The following FOXP1 variants were observed in gnomAD, a reference collection of about 807,000 sequenced individuals.
The protein encoded by FOXP1 is forkhead box P1.
A neutral mutation model predicts 98.2 loss-of-function variants in FOXP1; 15 were observed. The observed-to-expected ratio is 0.15, with a 90% CI of 0.10 to 0.24. FOXP1 has a LOEUF of 0.24. Ranked by LOEUF, FOXP1 falls within the 10% of genes least tolerant of loss-of-function variation. The pLI, the probability that FOXP1 is intolerant of heterozygous loss-of-function variation, is 1.00. For synonymous variants in FOXP1, 371 were observed against 314.5 expected, an observed-to-expected ratio of 1.18 and a Z score of -1.90; for missense variants, 633 against 848.5, an observed-to-expected ratio of 0.75 and a Z score of 3.15.
chr3:71,033,965 G>A (rs1344533787), intron 11 of FOXP1, among the ~76,000 whole-genome samples: 1 of 152,166 alleles, frequency 6.6e-6, no homozygotes, highest in Non-Finnish European at 1.5e-5. Flanking sequence ...AGGTGATGCT[G>A]CCAAGAGTCT....
chr3:71,256,979 A>G lies in FOXP1; in HGVS notation c.-12+42841T>C, dbSNP rs181886270. The stretch of plus-strand genomic sequence containing the variant: ...TTCTGAGCTACCAGCTATTCATCCA[A>G]TATCTTCTTTTAAGGATTACCTTTA... On this transcript the variant is annotated intron_variant, in intron 5 of 20. Transcript: ENST00000649528. 9.2e-5 allele frequency among the ~76,000 whole-genome samples: 14 copies of G among 152,250 alleles called. No individual in the cohort carries two copies. The East Asian group carries it at 2.5e-3, about 27-fold the overall frequency.
intron 2 of FOXP1, among the ~76,000 whole-genome samples, chr3:71,538,514 AAAACAC>A (rs1217966220): frequency 1.3e-5 from 2 of 152,228 alleles, no homozygotes; most frequent in African/African-American, 4.8e-5. Context: ...TTGTGGCTGA[AAAACAC>A]TGCATTGCAA....
chr3:71,084,688 C>T (rs1282280340), intron 7 of FOXP1, among the ~76,000 whole-genome samples: 1 of 152,152 alleles, frequency 6.6e-6, no homozygotes, highest in Non-Finnish European at 1.5e-5. Flanking sequence ...GCATAGTTAA[C>T]ACTATTTTTC....
At chr3:71,492,242 A>G (rs1331388373) in intron 3 of FOXP1, among the ~76,000 whole-genome samples, 1 of 152,104 alleles carries the variant, frequency 6.6e-6, no homozygotes, top group African/African-American at 2.4e-5. Context: ...ACCTGAGGTC[A>G]GGAGTTTGAG....
chr3:71,214,021 G>A (rs2064716838), intron 5 of FOXP1, among the ~76,000 whole-genome samples: 1 of 152,186 alleles, frequency 6.6e-6, no homozygotes, highest in South Asian at 2.1e-4. Context: ...TGCAGATATT[G>A]TCCCTACAGT....
chr3:71,370,719 AC>A (rs2079237911), intron 3 of FOXP1, among the ~76,000 whole-genome samples: 1 of 151,596 alleles, frequency 6.6e-6, no homozygotes, highest in Non-Finnish European at 1.5e-5. Flanking sequence ...GGCTTCTCAA[AC>A]TTGCATGCTC....
intron 6 of FOXP1, among the ~76,000 whole-genome samples, chr3:71,135,799 C>T (rs376697108): frequency 6.6e-6 from 1 of 152,290 alleles, no homozygotes; most frequent in South Asian, 2.1e-4. Flanking sequence ...CAAGTCAAGT[C>T]AAAGCACCTT....
At chr3:70,985,392 T>G (rs2039562853) in intron 14 of FOXP1, among the ~76,000 whole-genome samples, 1 of 152,062 alleles carries the variant, frequency 6.6e-6, no homozygotes, top group Non-Finnish European at 1.5e-5. Flanking sequence ...CTTTTTTTTT[T>G]CTTTTTGGCA....
At chr3:71,078,304 A>G (rs2054038301) in intron 7 of FOXP1, among the ~76,000 whole-genome samples, 1 of 152,222 alleles carries the variant, frequency 6.6e-6, no homozygotes, top group Non-Finnish European at 1.5e-5. Flanking sequence ...GCATCCCTAT[A>G]TTGCCATGTT....
At chr3:70,962,973 A>C (rs181726301) in intron 20 of FOXP1, among the ~76,000 whole-genome samples, 153 of 152,372 alleles carry the variant, frequency 1.0e-3, no homozygotes, top group African/African-American at 3.7e-3. Flanking sequence ...AATTATCCTC[A>C]TTTGATCATT....
chr3:71,545,524 TACAC>T (rs1446070872), intron 2 of FOXP1, among the ~76,000 whole-genome samples: 3 of 152,318 alleles, frequency 2.0e-5, no homozygotes, highest in East Asian at 3.9e-4. Flanking sequence ...TTTTTAAAAA[TACAC>T]ATGCTGAAGG....
At chr3:71,134,550 G>A (rs766919984) in intron 6 of FOXP1, among the ~76,000 whole-genome samples, 14 of 152,140 alleles carry the variant, frequency 9.2e-5, no homozygotes, top group Non-Finnish European at 1.6e-4. Flanking sequence ...AACAGAAAAT[G>A]AAAATGAAAC....
chr3:71,263,218 T>C (rs1226144953), intron 5 of FOXP1, among the ~76,000 whole-genome samples: 3 of 152,070 alleles, frequency 2.0e-5, no homozygotes, highest in Non-Finnish European at 4.4e-5. Context: ...GACACAGCCA[T>C]GGACAGAATC....
chr3:71,327,670 A>C (rs1045616318), intron 4 of FOXP1, among the ~76,000 whole-genome samples: 3 of 152,016 alleles, frequency 2.0e-5, no homozygotes, highest in African/African-American at 7.2e-5. Flanking sequence ...TACAGGTGTG[A>C]GCCACTGTGC....
intron 1 of FOXP1, among the ~76,000 whole-genome samples, chr3:71,583,322 C>G (rs1396353790): frequency 6.6e-6 from 1 of 151,970 alleles, no homozygotes; most frequent in East Asian, 1.9e-4. Flanking sequence ...CGCGCCGGCC[C>G]GCAGCCCCCA....
Position 71,052,539 on chromosome 3 carries a change from CTT to C in FOXP1, c.506_507del (p.Lys169ArgfsTer125). ...LQQQHAGKQP[K>X]EQQQVATQQL... is the part of the protein sequence containing the mutation. ...AGTAAAATATGTATTGTCGGTACCT[CTT>C]TAGGCTGTTTTCCAGCATGTTGTTG... is the stretch of plus-strand genomic sequence containing the variant. On this transcript the variant is annotated frameshift_variant, in exon 9 of 21. Coordinates refer to ENST00000649528, the MANE Select transcript of FOXP1 (RefSeq NM_001349338.3). LOFTEE classifies it high-confidence loss of function. 2 of 1,232,876 alleles carry C rather than the reference CTT, an allele frequency of 1.6e-6. No individual in the cohort carries two copies. Among genetic ancestry groups the C allele is most frequent in the Non-Finnish European group, 2.4e-6 (2 of 831,432 alleles). 76.4% of individuals were successfully genotyped at this position (1,232,876 alleles called of 1,614,324 possible).
intron 18 of FOXP1, 142 bp from the exon 19 acceptor site, chr3:70,970,947 T>TC: frequency 1.4e-6 from 1 of 702,890 alleles, no homozygotes; most frequent in East Asian, 2.7e-5. Flanking sequence ...TCAGGCTTTC[T>TC]CCCCGTCACT....
intron 3 of FOXP1, among the ~76,000 whole-genome samples, chr3:71,377,398 T>C (rs537988575): frequency 1.3e-5 from 2 of 152,344 alleles, no homozygotes; most frequent in East Asian, 1.9e-4. Flanking sequence ...ATTACTTTGA[T>C]GTGCCATGTG....
chr3:71,067,767 T>C lies in FOXP1; in HGVS notation c.283-13994A>G, dbSNP rs1323546124. 4.9e-3 allele frequency among the ~76,000 whole-genome samples: 74 copies of C among 14,964 alleles called. 1 individual carries two copies. Among genetic ancestry groups the C allele is most frequent in the African/African-American group, 7.9e-3 (65 of 8,250 alleles). 9.8% of individuals were successfully genotyped at this position (14,964 alleles called of 152,430 possible). A position where few individuals can be genotyped will look rare whatever the true frequency, so the allele number is the denominator to read the frequency against. On this transcript the variant is annotated intron_variant, in intron 7 of 20. Coordinates refer to ENST00000649528, the MANE Select transcript of FOXP1 (RefSeq NM_001349338.3). Reference sequence around the variant, plus strand: ...ACACACACACACACACACACACAATTAGCCACGTGTGATGGTGCATGCCTA... The same window carrying C: ...ACACACACACACACACACACACAATCAGCCACGTGTGATGGTGCATGCCTA...
Sources: allele counts gnomAD v4.1 joint callset (sites outside exome capture counted in the v4.1 genomes callset), GRCh38; gene constraint gnomAD v4.1.1; transcripts MANE v1.5; gene names NCBI Gene and HGNC (gene_info 2026-07-23, HGNC 2026-07-21).